EYS: variants seen among roughly 807,000 people sequenced by gnomAD.
The protein encoded by EYS is protein eyes shut homolog.
In EYS, 250 loss-of-function variants were observed where a neutral mutation model predicts 282.1. The ratio of observed to expected loss-of-function variants is 0.89; its 90% CI spans 0.80 to 0.98. The LOEUF (loss-of-function observed/expected upper bound fraction) is 0.98. Ranked by LOEUF, EYS falls within the 50% of genes least tolerant of loss-of-function variation. The pLI is 0.00. For missense variants in EYS, 4,016 were observed against 3,709.0 expected (o/e 1.08, Z -2.15); for synonymous variants, 1,355 against 1,282.9 (o/e 1.06, Z -1.20).
At position 64,704,092 on chromosome 6, in the gene EYS, C is replaced by A. The variant is rs557707332; in HGVS notation, c.3444-77847G>T. On this transcript the variant is annotated intron_variant, in intron 22 of 42. Coordinates refer to ENST00000503581, the MANE Select transcript of EYS (RefSeq NM_001142800.2). ...TATGAAAGAGATTTAAAAAAAACTTCAGTGAAAAATATTTCGCAATAACAA... is the reference window on the plus strand; with the variant it reads ...TATGAAAGAGATTTAAAAAAAACTTAAGTGAAAAATATTTCGCAATAACAA... Among the ~76,000 whole-genome samples, 147 of 151,876 alleles carry A rather than the reference C, an allele frequency of 9.7e-4. 1 individual carries two copies. The highest frequency in any genetic ancestry group is 6.8e-3 in the Middle Eastern group (2 of 294).
At chr6:64,293,434 T>G (rs548052751) in intron 30 of EYS, among the ~76,000 whole-genome samples, 1 of 152,240 alleles carries the variant, frequency 6.6e-6, no homozygotes, top group East Asian at 1.9e-4. Flanking sequence ...CTTTCTATCT[T>G]TGGTTTCTGT....
chr6:64,269,858 A>G (rs929819519), intron 30 of EYS, among the ~76,000 whole-genome samples: 1 of 152,066 alleles, frequency 6.6e-6, no homozygotes, highest in Non-Finnish European at 1.5e-5. Flanking sequence ...GATATGAGCA[A>G]GGTATTATCT....
At chr6:64,111,365 GA>G (rs1428535524) in intron 31 of EYS, among the ~76,000 whole-genome samples, 6 of 152,024 alleles carry the variant, frequency 3.9e-5, no homozygotes, top group African/African-American at 1.4e-4. Flanking sequence ...AGGAGAAAAA[GA>G]GGCTATAGGA....
intron 31 of EYS, among the ~76,000 whole-genome samples, chr6:64,123,237 C>A (rs1773650497): frequency 6.6e-6 from 1 of 152,118 alleles, no homozygotes; most frequent in Admixed American, 6.5e-5. Flanking sequence ...TAGCATTTAA[C>A]CTTCAAGACA....
chr6:64,000,287 G>C (rs1768032831), intron 33 of EYS, among the ~76,000 whole-genome samples: 1 of 144,420 alleles, frequency 6.9e-6, no homozygotes, highest in Admixed American at 7.3e-5. Flanking sequence ...TGCCTCCCGG[G>C]TTCATGCCAT....
At chr6:64,066,620 T>A (rs1488946223) in intron 32 of EYS, 129 bp from the exon 33 acceptor site, 1 of 645,922 alleles carries the variant, frequency 1.5e-6, no homozygotes, top group Non-Finnish European at 2.6e-6. Flanking sequence ...TATTAGATAA[T>A]TATTCAGTGT....
At position 63,720,481 on chromosome 6, in the gene EYS, G is replaced by T; in HGVS notation, c.*115C>A. 3 of 707,710 alleles carry T rather than the reference G, an allele frequency of 4.2e-6. No individual in the cohort carries two copies. Among genetic ancestry groups the T allele is most frequent in the Non-Finnish European group, 6.6e-6 (3 of 453,740 alleles). The allele number at this position is 707,710 out of a possible 1,614,324, so 43.8% of individuals were successfully genotyped here. On this transcript the variant is annotated 3_prime_UTR_variant, in exon 43 of 43. Coordinates refer to ENST00000503581, the MANE Select transcript of EYS (RefSeq NM_001142800.2). ...TATCAAAAAGATATGTTAGCATTTA[G>T]ACTATTTCAGGTAATATAGTAAACA...
rs868506745 is a variant in EYS, at chr6:64,686,775, A to G, written c.3444-60530T>C. ...TATATATATATATGTGTGTATATAT[A>G]TATATATATATATGTGTGTATATAT... On this transcript the variant is annotated intron_variant, in intron 22 of 42. Coordinates refer to ENST00000503581, the MANE Select transcript of EYS (RefSeq NM_001142800.2). Among the ~76,000 whole-genome samples the G allele has an allele frequency of 5.7e-4, 4 of 7,064 alleles. 1 individual carries two copies. In the South Asian group the frequency reaches 0.032, roughly 57 times the overall value. The allele number at this position is 7,064 out of a possible 152,430, so 4.6% of individuals were successfully genotyped here. A position where few individuals can be genotyped will look rare whatever the true frequency, so the allele number is the denominator to read the frequency against.
At chr6:64,145,104 A>G (rs984466867) in intron 31 of EYS, among the ~76,000 whole-genome samples, 1 of 152,180 alleles carries the variant, frequency 6.6e-6, no homozygotes, top group African/African-American at 2.4e-5. Flanking sequence ...GACAGCTTCT[A>G]TTGAATAAGA....
intron 35 of EYS, among the ~76,000 whole-genome samples, chr6:63,943,662 T>A (rs893036076): frequency 6.6e-5 from 10 of 152,322 alleles, no homozygotes; most frequent in Non-Finnish European, 1.3e-4. Context: ...TTTAAGGCAA[T>A]TCAAACTTGT....
intron 2 of EYS, among the ~76,000 whole-genome samples, chr6:65,537,874 C>G (rs1412328086): frequency 1.3e-5 from 2 of 152,130 alleles, no homozygotes; most frequent in African/African-American, 2.4e-5. Flanking sequence ...ATAGCAGGAT[C>G]CCTGCAGTAA....
intron 32 of EYS, among the ~76,000 whole-genome samples, chr6:64,074,354 TAATG>T (rs1386640656): frequency 2.0e-5 from 3 of 151,046 alleles, no homozygotes; most frequent in African/African-American, 4.8e-5. Context: ...TAAAAAGAAA[TAATG>T]AAATAAATAT....
intron 28 of EYS, among the ~76,000 whole-genome samples, chr6:64,391,542 G>C (rs1007739107): frequency 1.8e-4 from 27 of 151,944 alleles, no homozygotes; most frequent in African/African-American, 6.5e-4. Context: ...ATAAGCGAAG[G>C]AGAAATAAAA....
intron 26 of EYS, among the ~76,000 whole-genome samples, chr6:64,558,256 T>C (rs955665088): frequency 1.3e-5 from 2 of 152,154 alleles, no homozygotes; most frequent in African/African-American, 4.8e-5. Context: ...TACAAAACCA[T>C]TTCTTAAAAA....
intron 26 of EYS, among the ~76,000 whole-genome samples, chr6:64,578,392 C>T (rs933170811): frequency 2.6e-5 from 4 of 152,024 alleles, no homozygotes; most frequent in Admixed American, 6.6e-5. Flanking sequence ...TAACACAGTA[C>T]TGGCTTTTTG....
chr6:64,706,993 A>C (rs1265863769), intron 22 of EYS, among the ~76,000 whole-genome samples: 1 of 152,138 alleles, frequency 6.6e-6, no homozygotes, highest in Non-Finnish European at 1.5e-5. Flanking sequence ...GATACAAAAA[A>C]GATACTTGCA....
At chr6:64,746,194 C>T (rs1323967034) in intron 22 of EYS, among the ~76,000 whole-genome samples, 3 of 151,712 alleles carry the variant, frequency 2.0e-5, no homozygotes, top group East Asian at 3.9e-4. Flanking sequence ...TTTAATTGCC[C>T]TTGTAACAAT....
At position 63,945,926 on chromosome 6, in the gene EYS, C is replaced by T. The variant is rs141934104; in HGVS notation, c.7055+38457G>A. Among the ~76,000 whole-genome samples, 167 of 152,344 alleles carry T rather than the reference C, an allele frequency of 1.1e-3. 3 individuals carry two copies. Among genetic ancestry groups the T allele is most frequent in the African/African-American group, 3.9e-3 (162 of 41,578 alleles). On this transcript the variant is annotated intron_variant, in intron 35 of 42. Transcript: ENST00000503581. Reference sequence around the variant, plus strand: ...CAAGTATTTGTCCCAACTGCCCTTTCCTTATTCCTTTTCCTGAACCTACGA... The same window carrying T: ...CAAGTATTTGTCCCAACTGCCCTTTTCTTATTCCTTTTCCTGAACCTACGA...
rs114732863 is a variant in EYS, at chr6:65,019,488, T to C, written c.2138-21785A>G. Among the ~76,000 whole-genome samples the C allele has an allele frequency of 3.3e-3, 497 of 152,270 alleles. 8 individuals carry two copies. The highest frequency in any genetic ancestry group is 0.011 in the African/African-American group (468 of 41,566). ...CACGTGATCTTAGGCATATGACATT[T>C]CCATGCCTCTGATTTCTGATACCTA... On this transcript the variant is annotated intron_variant, in intron 13 of 42. Coordinates refer to ENST00000503581, the MANE Select transcript of EYS (RefSeq NM_001142800.2).
Sources: gnomAD v4.1 joint callset for allele counts (sites outside exome capture counted in the v4.1 genomes callset) on GRCh38, gnomAD v4.1.1 for gene constraint, MANE v1.5 for transcripts, NCBI Gene and HGNC (gene_info 2026-07-23, HGNC 2026-07-21) for gene names.